Variants in FCF1 observed in about 807,000 individuals in gnomAD.
FCF1 encodes the protein rRNA-processing protein FCF1 homolog.
A neutral mutation model predicts 32.5 loss-of-function variants in FCF1; 17 were observed. That is an observed-to-expected ratio of 0.52 (90% CI 0.36 to 0.78). The LOEUF (loss-of-function observed/expected upper bound fraction) is 0.78. Ranked by LOEUF, FCF1 falls within the 30% of genes least tolerant of loss-of-function variation. FCF1 has a pLI of 0.00. For synonymous variants in FCF1, 84 were observed against 78.4 expected, an observed-to-expected ratio of 1.07 and a Z score of -0.38; for missense variants, 201 against 241.1, an observed-to-expected ratio of 0.83 and a Z score of 1.10.
Position 74,734,086 on chromosome 14 carries a change from A to T in FCF1, c.464A>T (p.Tyr155Phe). ...CCATGTCTCTTACAGCATAAGTGTT[A>T]CATTGTGGCCACAGTTGACCGGGAC... is the stretch of plus-strand genomic sequence containing the variant. ...LVQRVTQHKC[Y>F]IVATVDRDLK... is the part of the protein sequence containing the mutation. Residue 155 changes from tyrosine to phenylalanine, a missense_variant, in exon 7 of 8, where the codon TAC becomes TTC. Physicochemically the swap from Tyr to Phe is conservative, Grantham distance 22. Around this residue, in one of 3 missense-constraint regions of FCF1, gnomAD observed 121 missense variants for 147.8 expected, o/e 0.82. Coordinates refer to ENST00000341162, the MANE Select transcript of FCF1 (RefSeq NM_015962.5). The T allele has an allele frequency of 6.2e-7, 1 of 1,612,118 alleles. No homozygotes were observed. The highest frequency in any genetic ancestry group is 1.1e-5 in the South Asian group (1 of 91,030).
chr14:74,713,750 T>G, intron 2 of FCF1, 198 bp downstream of exon 2: 1 of 603,346 alleles, frequency 1.7e-6, no homozygotes, highest in Non-Finnish European at 2.9e-6. Context: ...AATTAAACAT[T>G]TCTTAAGTGT....
chr14:74,715,080 C>A, intron 3 of FCF1, 137 bp downstream of exon 3: 1 of 831,700 alleles, frequency 1.2e-6, no homozygotes, highest in Non-Finnish European at 1.8e-6. Context: ...TATCGATGAG[C>A]ATATATCAAT....
At chr14:74,733,767 C>T (rs991564245) in intron 6 of FCF1, among the ~76,000 whole-genome samples, 2 of 152,180 alleles carry the variant, frequency 1.3e-5, no homozygotes, top group Non-Finnish European at 2.9e-5. Context: ...AAAGAATTGT[C>T]TGCCCCAAGT....
In FCF1 at chr14:74,737,538, A is replaced by G. The variant is rs1347866435; in HGVS notation, c.*2608A>G. 1 of 152,230 alleles carries G rather than the reference A, an allele frequency of 6.6e-6. No individual in the cohort carries two copies. 9.4% of individuals were successfully genotyped at this position (152,230 alleles called of 1,614,324 possible). A position where few individuals can be genotyped will look rare whatever the true frequency, so the allele number is the denominator to read the frequency against. On this transcript the variant is annotated 3_prime_UTR_variant, in exon 8 of 8. Coordinates refer to ENST00000341162, the MANE Select transcript of FCF1 (RefSeq NM_015962.5). ...TATGAGTTGGACAAACCATATAACC[A>G]TCTGTTGCCTTCCTTGTTTCCTCTT...
intron 4 of FCF1, among the ~76,000 whole-genome samples, chr14:74,719,319 G>GAAGAA (rs963241304): frequency 1.4e-5 from 2 of 145,530 alleles, no homozygotes; most frequent in African/African-American, 5.1e-5. Context: ...AGAAGAAGAA[G>GAAGAA]AAGAAAAGAA....
At chr14:74,727,457 T>A (rs938485394) in intron 5 of FCF1, among the ~76,000 whole-genome samples, 1 of 151,266 alleles carries the variant, frequency 6.6e-6, no homozygotes, top group Non-Finnish European at 1.5e-5. Context: ...TGGGGTTGTT[T>A]GTTTTTTTCT....
chr14:74,721,615 C>T (rs1007521732), intron 4 of FCF1, among the ~76,000 whole-genome samples: 20 of 151,954 alleles, frequency 1.3e-4, no homozygotes, highest in African/African-American at 3.9e-4. Context: ...GCAGGAGAAT[C>T]GCTTGAACCT....
intron 4 of FCF1, among the ~76,000 whole-genome samples, chr14:74,718,296 C>G (rs1438827238): frequency 1.3e-5 from 2 of 152,148 alleles, no homozygotes; most frequent in African/African-American, 4.8e-5. Flanking sequence ...AGTTTGCTTC[C>G]CATTGGCTTT....
chr14:74,717,412 T>C (rs1184908195), intron 4 of FCF1, among the ~76,000 whole-genome samples: 1 of 151,730 alleles, frequency 6.6e-6, no homozygotes, highest in Non-Finnish European at 1.5e-5. Flanking sequence ...GATGTGAAGG[T>C]AGCCATCAGA....
intron 4 of FCF1, among the ~76,000 whole-genome samples, chr14:74,721,561 C>T (rs548626833): frequency 2.6e-5 from 4 of 151,964 alleles, no homozygotes; most frequent in African/African-American, 7.2e-5. Context: ...ATTAGCTGGG[C>T]GTGGTGGAGG....
At chr14:74,721,761 ACTATT>A (rs1222839086) in intron 4 of FCF1, among the ~76,000 whole-genome samples, 1 of 152,236 alleles carries the variant, frequency 6.6e-6, no homozygotes, top group South Asian at 2.1e-4. Context: ...AAAGTTACAT[ACTATT>A]CTATTGTTTA....
chr14:74,717,618 G>T (rs2090438824), intron 4 of FCF1, among the ~76,000 whole-genome samples: 1 of 152,204 alleles, frequency 6.6e-6, no homozygotes, highest in Non-Finnish European at 1.5e-5. Flanking sequence ...CTCTAAGAAT[G>T]AGGCTTGGGT....
At position 74,717,121 on chromosome 14, in the gene FCF1, A is replaced by T. The variant is rs113864039; in HGVS notation, c.292+1022A>T. Among the ~76,000 whole-genome samples the T allele has an allele frequency of 2.0e-3, 301 of 152,292 alleles. 1 individual carries two copies. The highest frequency in any genetic ancestry group is 6.9e-3 in the African/African-American group (287 of 41,556). ...ACGCCTGTAATGCCAGCACTTTGGG[A>T]GGCCAAAGCAGGCGGATCATGAGGT... is the stretch of plus-strand genomic sequence containing the variant. On this transcript the variant is annotated intron_variant, in intron 4 of 7. Coordinates refer to ENST00000341162, the MANE Select transcript of FCF1 (RefSeq NM_015962.5).
chr14:74,731,595 CACAA>C (rs2090638678), intron 5 of FCF1, among the ~76,000 whole-genome samples: 2 of 152,176 alleles, frequency 1.3e-5, no homozygotes, highest in South Asian at 4.1e-4. Context: ...TTCTTCTCTC[CACAA>C]ACACTCTGCC....
intron 5 of FCF1, among the ~76,000 whole-genome samples, chr14:74,730,699 C>T (rs987915118): frequency 6.6e-6 from 1 of 152,070 alleles, no homozygotes; most frequent in Admixed American, 6.6e-5. Flanking sequence ...GGCAACAGAG[C>T]AAGACTCCAT....
intron 5 of FCF1, among the ~76,000 whole-genome samples, chr14:74,724,439 C>T (rs1360307151): frequency 6.6e-6 from 1 of 152,150 alleles, no homozygotes; most frequent in Non-Finnish European, 1.5e-5. Flanking sequence ...CATGCAACAC[C>T]TCACATGGCC....
rs756068598 is a variant in FCF1, at chr14:74,723,288, C to T, written c.309C>T (p.Thr103=). 24 of 1,613,146 alleles carry T rather than the reference C, an allele frequency of 1.5e-5. No homozygotes were observed. Among genetic ancestry groups the T allele is most frequent in the Admixed American group, 5.0e-5 (3 of 59,980 alleles). Residue 103 remains threonine, a synonymous_variant, in exon 5 of 8, where the codon ACC becomes ACT. Transcript: ENST00000341162. ...CLYAKCIPCI[T]DCVMAEIEKL... ...CCCTGGCAGGTATCCCATGTATAACCGATTGTGTAATGGCTGAAATTGAGA... is the reference window on the plus strand; with the variant it reads ...CCCTGGCAGGTATCCCATGTATAACTGATTGTGTAATGGCTGAAATTGAGA...
chr14:74,715,679 C>T, intron 3 of FCF1: 1 of 522,424 alleles, frequency 1.9e-6, no homozygotes, highest in East Asian at 4.0e-5. Context: ...TCTACTTTTG[C>T]TAGAGGAAGA....
At chr14:74,724,982 T>C (rs1010509702) in intron 5 of FCF1, among the ~76,000 whole-genome samples, 13 of 152,078 alleles carry the variant, frequency 8.5e-5, no homozygotes, top group Admixed American at 3.9e-4. Context: ...AAAACTTTTT[T>C]CGCTGTTATA....
Sources: allele counts gnomAD v4.1 joint callset (sites outside exome capture counted in the v4.1 genomes callset), GRCh38; gene constraint gnomAD v4.1.1; regional missense constraint gnomAD v4.1.1; transcripts MANE v1.5; gene names NCBI Gene and HGNC (gene_info 2026-07-23, HGNC 2026-07-21).